The following EPS15 variants were observed in gnomAD, a reference collection of about 807,000 sequenced individuals.
The protein encoded by EPS15 is epidermal growth factor receptor substrate 15.
In EPS15, 72 loss-of-function variants were observed where a neutral mutation model predicts 113.8. The ratio of observed to expected loss-of-function variants is 0.63; its 90% CI spans 0.52 to 0.77. The LOEUF is 0.77. Among genes scored for constraint, EPS15 ranks in the 30% least tolerant of loss-of-function variants. The probability of loss-of-function intolerance (pLI) is 0.00; values close to 1 mark genes in which losing one functional copy is unlikely to be tolerated. For missense variants in EPS15, 1,048 were observed against 1,045.8 expected (o/e 1.00, Z -0.03); for synonymous variants, 344 against 363.4 (o/e 0.95, Z 0.61).
chr1:51,429,799 C>T (rs948261500), intron 12 of EPS15, among the ~76,000 whole-genome samples: 4 of 151,806 alleles, frequency 2.6e-5, no homozygotes, highest in South Asian at 2.1e-4. Flanking sequence ...TACAGGCATC[C>T]GCCACCACGC....
At chr1:51,385,415 G>C (rs751952233) in intron 21 of EPS15, among the ~76,000 whole-genome samples, 2 of 152,146 alleles carry the variant, frequency 1.3e-5, no homozygotes, top group African/African-American at 2.4e-5. Flanking sequence ...AGTAAGGGTT[G>C]GCAAAGATGT....
Position 51,465,243 on chromosome 1 carries a change from G to A in EPS15, c.375+18C>T, listed in dbSNP as rs1654761973. On this transcript the variant is annotated intron_variant, in intron 6 of 24. Coordinates refer to ENST00000371733, the MANE Select transcript of EPS15 (RefSeq NM_001981.3). ...GAAGCAATGAAGGGGTGAGAGAATA[G>A]TTACAAAGTTTACTTACTTTTACAG... 6.4e-7 allele frequency: 1 copy of A among 1,551,562 alleles called. No individual in the cohort carries two copies. The highest frequency in any genetic ancestry group is 1.4e-5 in the African/African-American group (1 of 73,432).
At chr1:51,358,775 T>C (rs953587593) in intron 24 of EPS15, among the ~76,000 whole-genome samples, 2 of 149,020 alleles carry the variant, frequency 1.3e-5, no homozygotes, top group African/African-American at 5.0e-5. Flanking sequence ...TGGCACTATA[T>C]CAGCTCCCGC....
At chr1:51,363,054 T>C (rs2148346916) in intron 23 of EPS15, among the ~76,000 whole-genome samples, 2 of 152,220 alleles carry the variant, frequency 1.3e-5, no homozygotes, top group Non-Finnish European at 2.9e-5. Flanking sequence ...TCCCAGCACT[T>C]TGGGAGGCCG....
intron 8 of EPS15, among the ~76,000 whole-genome samples, chr1:51,451,114 T>C (rs867608401): frequency 6.6e-6 from 1 of 151,808 alleles, no homozygotes; most frequent in Non-Finnish European, 1.5e-5. Flanking sequence ...AAAAGTATAG[T>C]GTTGAACAGT....
chr1:51,410,401 A>AG (rs1408900935), intron 13 of EPS15, among the ~76,000 whole-genome samples: 1 of 152,134 alleles, frequency 6.6e-6, no homozygotes, highest in Non-Finnish European at 1.5e-5. Context: ...CCAAAAAAAA[A>AG]AAAAAGAAAA....
chr1:51,375,630 C>T (rs1004406140), intron 21 of EPS15, among the ~76,000 whole-genome samples: 9 of 152,062 alleles, frequency 5.9e-5, no homozygotes, highest in African/African-American at 1.9e-4. Context: ...ACATTAAAAA[C>T]CTATATACAT....
Position 51,408,285 on chromosome 1 carries a change from G to A in EPS15, c.1323C>T (p.Ser441=). ...AELTSQESQI[S]TYEEELAKAR... is the part of the protein sequence containing the mutation. ...CTTTTGCCAATTCTTCTTCGTAAGT[G>A]GAGATCTGCGATTCCTGACTAGTTA... Residue 441 remains serine, a synonymous_variant, in exon 15 of 25, where the codon TCC becomes TCT. Coordinates refer to ENST00000371733, the MANE Select transcript of EPS15 (RefSeq NM_001981.3). The A allele has an allele frequency of 1.2e-6, 2 of 1,613,658 alleles. No individual in the cohort carries two copies.
chr1:51,356,574 C>T lies in EPS15; in HGVS notation c.*126G>A. On this transcript the variant is annotated 3_prime_UTR_variant, in exon 25 of 25. Transcript: ENST00000371733. Reference sequence around the variant, plus strand: ...AAAAAAAAAAATCCTAAAATTTTGTCACATTTACAGGAATCTCAAACCTTT... The same window carrying T: ...AAAAAAAAAAATCCTAAAATTTTGTTACATTTACAGGAATCTCAAACCTTT... 1.4e-6 allele frequency: 1 copy of T among 699,020 alleles called. No individual in the cohort carries two copies. Among genetic ancestry groups the T allele is most frequent in the South Asian group, 3.2e-5 (1 of 31,414 alleles). The allele number at this position is 699,020 out of a possible 1,614,324, so 43.3% of individuals were successfully genotyped here.
At chr1:51,517,077 A>C (rs754366769) in intron 1 of EPS15, among the ~76,000 whole-genome samples, 1 of 152,204 alleles carries the variant, frequency 6.6e-6, no homozygotes, top group Non-Finnish European at 1.5e-5. Context: ...AAATTAAATT[A>C]AATTTAAAAA....
intron 21 of EPS15, chr1:51,372,479 T>C (rs1359012315): frequency 9.4e-6 from 5 of 533,508 alleles, no homozygotes; most frequent in Non-Finnish European, 1.9e-5. Context: ...TTTTAGACCA[T>C]GATTATTTGG....
chr1:51,375,177 A>C (rs931866347), intron 21 of EPS15, among the ~76,000 whole-genome samples: 3 of 150,686 alleles, frequency 2.0e-5, no homozygotes, highest in African/African-American at 7.3e-5. Flanking sequence ...AATTTTTTGT[A>C]TTTTTAGTAG....
chr1:51,493,472 C>A (rs1441585276), intron 1 of EPS15, among the ~76,000 whole-genome samples: 1 of 149,116 alleles, frequency 6.7e-6, no homozygotes, highest in Non-Finnish European at 1.5e-5. Context: ...TTGCAGTGAG[C>A]CGAGATCGCA....
intron 1 of EPS15, 64 bp downstream of exon 1, chr1:51,519,135 G>A (rs7535635): frequency 2.5e-6 from 3 of 1,198,660 alleles, no homozygotes; most frequent in Admixed American, 3.1e-5. Flanking sequence ...AGTCGGCGAA[G>A]CTGAGGGCGG....
At chr1:51,513,738 G>A (rs536440958) in intron 1 of EPS15, among the ~76,000 whole-genome samples, 36 of 152,182 alleles carry the variant, frequency 2.4e-4, no homozygotes, top group African/African-American at 7.5e-4. Flanking sequence ...CATAGGTTAC[G>A]CTTTGTTAAG....
rs1240221684 is a variant in EPS15, at chr1:51,477,252, T to C, written c.75+4021A>G. Among the ~76,000 whole-genome samples the C allele has an allele frequency of 2.0e-5, 3 of 152,324 alleles. No homozygotes were observed. In the East Asian group the frequency reaches 5.8e-4, roughly 29 times the overall value. On this transcript the variant is annotated intron_variant, in intron 2 of 24. Transcript: ENST00000371733. ...TAGTTTATTTGCATAGAGGTGTTTATAGTAGTCTCTGATGGTAGTTTGTAT... is the reference window on the plus strand; with the variant it reads ...TAGTTTATTTGCATAGAGGTGTTTACAGTAGTCTCTGATGGTAGTTTGTAT...
At chr1:51,366,054 G>C (rs749085845) in intron 21 of EPS15, 25 bp from the exon 22 acceptor site, 2 of 1,536,872 alleles carry the variant, frequency 1.3e-6, no homozygotes, top group East Asian at 2.3e-5. Context: ...GAAAATAAAT[G>C]AAACAGGACA....
At chr1:51,508,119 T>C (rs1251374858) in intron 1 of EPS15, among the ~76,000 whole-genome samples, 3 of 148,482 alleles carry the variant, frequency 2.0e-5, no homozygotes, top group African/African-American at 7.5e-5. Context: ...GAGGTGGAGG[T>C]TGCAGTGAGC....
At chr1:51,383,994 G>A (rs1240303994) in intron 21 of EPS15, among the ~76,000 whole-genome samples, 4 of 152,068 alleles carry the variant, frequency 2.6e-5, no homozygotes, top group African/African-American at 4.8e-5. Context: ...ATTTACAACA[G>A]CATCAAAAAG....
Sources: allele counts gnomAD v4.1 joint callset (sites outside exome capture counted in the v4.1 genomes callset), GRCh38; gene constraint gnomAD v4.1.1; transcripts MANE v1.5; gene names NCBI Gene and HGNC (gene_info 2026-07-23, HGNC 2026-07-21).